The following PRPF6 variants were observed in gnomAD, a reference collection of about 807,000 sequenced individuals.
The protein encoded by PRPF6 is pre-mRNA-processing factor 6.
In PRPF6, 42 loss-of-function variants were observed where a neutral mutation model predicts 118.3. That is an observed-to-expected ratio of 0.35 (90% CI 0.28 to 0.46). PRPF6 has a LOEUF of 0.46. Among genes scored for constraint, PRPF6 ranks in the 20% least tolerant of loss-of-function variants. The probability of loss-of-function intolerance (pLI) is 1.00; values close to 1 mark genes in which losing one functional copy is unlikely to be tolerated. For missense variants in PRPF6, 662 were observed against 1,255.7 expected, an observed-to-expected ratio of 0.53 and a Z score of 7.15; for synonymous variants, 481 against 485.1, an observed-to-expected ratio of 0.99 and a Z score of 0.11.
chr20:63,984,019 G>A (rs1235996610), intron 2 of PRPF6, among the ~76,000 whole-genome samples: 2 of 152,114 alleles, frequency 1.3e-5, no homozygotes, highest in Non-Finnish European at 2.9e-5. Context: ...TAGCTTTAGT[G>A]ATTGCCCTCT....
chr20:64,005,451 A>G (rs2059185906), intron 9 of PRPF6, among the ~76,000 whole-genome samples: 3 of 152,194 alleles, frequency 2.0e-5, no homozygotes, highest in Admixed American at 2.0e-4. Flanking sequence ...AGGAAAAACA[A>G]CTGGGTCGTT....
At position 64,007,544 on chromosome 20, in the gene PRPF6, G is replaced by A. The variant is rs561710519; in HGVS notation, c.1187-2656G>A. Among the ~76,000 whole-genome samples, 7 of 148,348 alleles carry A rather than the reference G, an allele frequency of 4.7e-5. No homozygotes were observed. In the East Asian group the frequency reaches 1.2e-3, roughly 25 times the overall value. On this transcript the variant is annotated intron_variant, in intron 9 of 20. Coordinates refer to ENST00000266079, the MANE Select transcript of PRPF6 (RefSeq NM_012469.4). ...TTCAGTGGTGCAGTTTTGGCTCACT[G>A]CAACCTCCACCTCCTGGGCTCAAGC...
chr20:63,999,827 G>A (rs1484738643), intron 8 of PRPF6, 68 bp downstream of exon 8: 11 of 1,566,294 alleles, frequency 7.0e-6, no homozygotes, highest in African/African-American at 2.7e-5. Context: ...GAGTAAACTT[G>A]TTAGAGCAAA....
At chr20:63,988,993 T>C (rs2059107060) in intron 3 of PRPF6, among the ~76,000 whole-genome samples, 1 of 152,134 alleles carries the variant, frequency 6.6e-6, no homozygotes, top group East Asian at 1.9e-4. Context: ...CTTCAAATTA[T>C]ACTACAGAGC....
At chr20:63,991,827 A>G (rs1310539576) in intron 3 of PRPF6, among the ~76,000 whole-genome samples, 1 of 152,130 alleles carries the variant, frequency 6.6e-6, no homozygotes, top group African/African-American at 2.4e-5. Context: ...AAAACTTTTT[A>G]TTCTGAAAAC....
In PRPF6 at chr20:63,984,987, C is replaced by T; in HGVS notation, c.321C>T (p.Ala107=). ...AGGAAGCAGATGCTATCTATGCAGC[C>T]CTGGATAAAAGGATGGATGAAAGAA... ...DDEEADAIYA[A]LDKRMDERRK... The change falls in exon 3 of 21, where the codon GCC becomes GCT. Residue 107 remains alanine (A), a synonymous_variant. Transcript: ENST00000266079. 6.2e-7 allele frequency: 1 copy of T among 1,613,126 alleles called. No homozygotes were observed. Among genetic ancestry groups the T allele is most frequent in the Non-Finnish European group, 8.5e-7 (1 of 1,179,614 alleles).
intron 12 of PRPF6, among the ~76,000 whole-genome samples, chr20:64,017,258 A>T (rs2059242617): frequency 6.7e-6 from 1 of 149,882 alleles, no homozygotes; most frequent in Admixed American, 6.6e-5. Context: ...GAGTGCTGGG[A>T]TCACAGGCGT....
intron 4 of PRPF6, among the ~76,000 whole-genome samples, chr20:63,994,040 A>G (rs2123002875): frequency 6.6e-6 from 1 of 151,650 alleles, no homozygotes; most frequent in East Asian, 2.0e-4. Context: ...GTGAGCCACC[A>G]CGTCTGGCCC....
chr20:64,028,339 T>G lies in PRPF6; in HGVS notation c.2340-139T>G. 1.1e-5 allele frequency: 9 copies of G among 856,378 alleles called. No homozygotes were observed. Among genetic ancestry groups the G allele is most frequent in the African/African-American group, 1.7e-5 (1 of 60,114 alleles). The allele number at this position is 856,378 out of a possible 1,614,324, so 53.0% of individuals were successfully genotyped here. On this transcript the variant is annotated intron_variant, in intron 17 of 20. Coordinates refer to ENST00000266079, the MANE Select transcript of PRPF6 (RefSeq NM_012469.4). The surrounding 1 kb of genome is among the most constrained non-coding windows in gnomAD (Gnocchi z 6.5). ...CCCAGCGCCTTGTTTCTGTGGTGGATGAGCTCTGCTGTGGAGGGAATGGAG... is the reference window on the plus strand; with the variant it reads ...CCCAGCGCCTTGTTTCTGTGGTGGAGGAGCTCTGCTGTGGAGGGAATGGAG...
intron 1 of PRPF6, 45 bp from the exon 2 acceptor site, chr20:63,983,002 G>A: frequency 6.2e-7 from 1 of 1,606,112 alleles, no homozygotes; most frequent in East Asian, 2.2e-5. Context: ...AAGAGCACAG[G>A]AACAGAGTTA....
intron 13 of PRPF6, among the ~76,000 whole-genome samples, chr20:64,023,407 A>G (rs1253741755): frequency 1.3e-5 from 2 of 152,194 alleles, no homozygotes; most frequent in Non-Finnish European, 2.9e-5. Flanking sequence ...GTTGCAGTTT[A>G]TTGTTTTAAA....
chr20:64,030,588 C>A (rs2059310257), intron 19 of PRPF6, among the ~76,000 whole-genome samples: 1 of 152,166 alleles, frequency 6.6e-6, no homozygotes, highest in South Asian at 2.1e-4. Context: ...CCTGGTGCTA[C>A]CTTGGTCCTG....
chr20:64,004,015 A>AT (rs2059179414), intron 9 of PRPF6, among the ~76,000 whole-genome samples: 1 of 152,244 alleles, frequency 6.6e-6, no homozygotes, highest in African/African-American at 2.4e-5. Flanking sequence ...TGAAGAGCCC[A>AT]TGAAAGTCTG....
rs1300993079 is a variant in PRPF6 at position 63,999,618 on chromosome 20, G to A, written c.882G>A (p.Ala294=). 30 of 1,614,030 alleles carry A rather than the reference G, an allele frequency of 1.9e-5. No homozygotes were observed. The highest frequency in any genetic ancestry group is 2.2e-5 in the Non-Finnish European group (26 of 1,180,046). Residue 294 remains alanine (A), a synonymous_variant, in exon 8 of 21, where the codon GCG becomes GCA. Coordinates refer to ENST00000266079, the MANE Select transcript of PRPF6 (RefSeq NM_012469.4). ...HGGDINDIKK[A]RLLLKSVRET... is the part of the protein sequence containing the mutation. ...CCTCTCATAGTGATATCAAGAAGGC[G>A]CGACTGCTCCTCAAGTCTGTTCGGG...
intron 9 of PRPF6, among the ~76,000 whole-genome samples, 175 bp downstream of exon 9, chr20:64,001,414 T>C (rs1569216170): frequency 6.6e-6 from 1 of 152,208 alleles, no homozygotes; most frequent in Non-Finnish European, 1.5e-5. Context: ...GGAGGGATAC[T>C]GTGGTGGGCA....
chr20:64,018,844 C>T (rs2059250799), intron 12 of PRPF6, among the ~76,000 whole-genome samples: 1 of 152,118 alleles, frequency 6.6e-6, no homozygotes, highest in South Asian at 2.1e-4. Flanking sequence ...TTCACTTTCT[C>T]CTTCATCCGT....
chr20:64,023,402 A>C (rs1264924528), intron 13 of PRPF6, among the ~76,000 whole-genome samples: 2 of 152,178 alleles, frequency 1.3e-5, no homozygotes, highest in South Asian at 2.1e-4. Flanking sequence ...TTGGCGTTGC[A>C]GTTTATTGTT....
intron 6 of PRPF6, among the ~76,000 whole-genome samples, chr20:63,997,203 T>TTA (rs1425209862): frequency 6.6e-6 from 1 of 152,176 alleles, no homozygotes; most frequent in Non-Finnish European, 1.5e-5. Flanking sequence ...TCTCTGGATC[T>TTA]TATATGACTG....
At chr20:64,021,852 T>A (rs1434455598) in intron 12 of PRPF6, among the ~76,000 whole-genome samples, 1 of 149,086 alleles carries the variant, frequency 6.7e-6, no homozygotes, top group Non-Finnish European at 1.5e-5. Context: ...TGTGTATGCG[T>A]GCATGTATGC....
Sources: allele counts gnomAD v4.1 joint callset (sites outside exome capture counted in the v4.1 genomes callset), GRCh38; gene constraint gnomAD v4.1.1; non-coding constraint Gnocchi (gnomAD v3.1); transcripts MANE v1.5; gene names NCBI Gene and HGNC (gene_info 2026-07-23, HGNC 2026-07-21).